SLC17A5: variants seen among roughly 807,000 people sequenced by gnomAD.
The protein encoded by SLC17A5 is solute carrier family 17 member 5.
A neutral mutation model predicts 59.4 loss-of-function variants in SLC17A5; 47 were observed. That is an observed-to-expected ratio of 0.79 (90% CI 0.63 to 1.01). The LOEUF is 1.01. SLC17A5 is among the 50% of genes least tolerant of loss of function. The pLI, the probability that SLC17A5 is intolerant of heterozygous loss-of-function variation, is 0.00. For synonymous variants in SLC17A5, 202 were observed against 210.7 expected, an observed-to-expected ratio of 0.96 and a Z score of 0.36; for missense variants, 522 against 595.5, an observed-to-expected ratio of 0.88 and a Z score of 1.28.
intron 1 of SLC17A5, chr6:73,652,933 T>A (rs1289138015): frequency 1.7e-5 from 10 of 574,654 alleles, no homozygotes; most frequent in Non-Finnish European, 2.2e-5. Flanking sequence ...TTTTCGTTAC[T>A]TTTAAATAAA....
chr6:73,632,926 C>T (rs750222676), intron 6 of SLC17A5, among the ~76,000 whole-genome samples: 3 of 151,924 alleles, frequency 2.0e-5, no homozygotes, highest in Non-Finnish European at 4.4e-5. Context: ...TTACCTGTTC[C>T]TTAAGGGGAA....
intron 4 of SLC17A5, 93 bp from the exon 5 acceptor site, chr6:73,636,800 G>C (rs1448352526): frequency 2.2e-6 from 2 of 924,690 alleles, no homozygotes; most frequent in African/African-American, 1.6e-5. Context: ...TGGGTAACAG[G>C]CTGGGCACAG....
intron 9 of SLC17A5, among the ~76,000 whole-genome samples, chr6:73,603,550 A>T (rs1244268208): frequency 1.3e-5 from 2 of 151,054 alleles, no homozygotes; most frequent in African/African-American, 4.9e-5. Flanking sequence ...CCTCCTGAGT[A>T]GCTGGGATTA....
chr6:73,608,277 G>T (rs1767487549), intron 9 of SLC17A5, among the ~76,000 whole-genome samples: 1 of 152,238 alleles, frequency 6.6e-6, no homozygotes. Context: ...CATTGGGGTT[G>T]GTTCATGTGA....
chr6:73,621,437 C>T (rs1432081555), intron 7 of SLC17A5, among the ~76,000 whole-genome samples: 1 of 152,242 alleles, frequency 6.6e-6, no homozygotes, highest in East Asian at 1.9e-4. Flanking sequence ...CTACACCCGG[C>T]CTGATGTCGG....
Position 73,636,640 on chromosome 6 carries a change from A to C in SLC17A5, c.681T>G (p.Thr227=). Residue 227 remains threonine (T), a synonymous_variant, in exon 5 of 11, where the codon ACT becomes ACG. Transcript: ENST00000355773. The part of the protein sequence containing the change: ...SGIICYYMNW[T]YVFYFFGTIG... The stretch of plus-strand genomic sequence containing the variant: ...ACTTACCAAAAAAGTAGAAGACATA[A>C]GTCCAATTCATATAGTAGCAAATTA... 1 of 1,603,066 alleles carries C rather than the reference A, an allele frequency of 6.2e-7. No individual in the cohort carries two copies. The highest frequency in any genetic ancestry group is 8.5e-7 in the Non-Finnish European group (1 of 1,169,928).
rs535093738 is a variant in SLC17A5, at chr6:73,633,866, C to T, written c.819+1516G>A. On this transcript the variant is annotated intron_variant, in intron 6 of 10. Transcript: ENST00000355773. The stretch of plus-strand genomic sequence containing the variant: ...CTACACTCCAGCCTGGGTGAGAGAG[C>T]GAAACTCCGTCTAAAAAAAAAAATA... 2.1e-3 allele frequency among the ~76,000 whole-genome samples: 314 copies of T among 149,580 alleles called. 2 individuals are homozygous for T. The highest frequency in any genetic ancestry group is 7.7e-3 in the African/African-American group (310 of 40,516).
Position 73,594,965 on chromosome 6 carries a change from T to C in SLC17A5, c.*112A>G. Reference sequence around the variant, plus strand: ...ATGATTATAGGCCTTAAAAATCTAATACAAGTACAATTAAAAAAAGACATA... The same window carrying C: ...ATGATTATAGGCCTTAAAAATCTAACACAAGTACAATTAAAAAAAGACATA... On this transcript the variant is annotated 3_prime_UTR_variant, in exon 11 of 11. Coordinates refer to ENST00000355773, the MANE Select transcript of SLC17A5 (RefSeq NM_012434.5). 1 of 1,171,140 alleles carries C rather than the reference T, an allele frequency of 8.5e-7. No individual in the cohort carries two copies. The highest frequency in any genetic ancestry group is 1.3e-6 in the Non-Finnish European group (1 of 787,886). The allele number at this position is 1,171,140 out of a possible 1,614,324, so 72.5% of individuals were successfully genotyped here. A position where few individuals can be genotyped will look rare whatever the true frequency, so the allele number is the denominator to read the frequency against.
chr6:73,593,647 C>T lies in SLC17A5; in HGVS notation c.*1430G>A, dbSNP rs1413436902. 1 of 152,098 alleles carries T rather than the reference C, an allele frequency of 6.6e-6. No homozygotes were observed. The highest frequency in any genetic ancestry group is 2.1e-4 in the South Asian group (1 of 4,826). 9.4% of individuals were successfully genotyped at this position (152,098 alleles called of 1,614,324 possible). A position where few individuals can be genotyped will look rare whatever the true frequency, so the allele number is the denominator to read the frequency against. ...AGGAACCAGAAGTAAAGATGATTACCCTAGTCTCAGGTGATGTGGCCTTTA... is the reference window on the plus strand; with the variant it reads ...AGGAACCAGAAGTAAAGATGATTACTCTAGTCTCAGGTGATGTGGCCTTTA... On this transcript the variant is annotated 3_prime_UTR_variant, in exon 11 of 11. Coordinates refer to ENST00000355773, the MANE Select transcript of SLC17A5 (RefSeq NM_012434.5).
intron 6 of SLC17A5, among the ~76,000 whole-genome samples, chr6:73,625,677 T>C (rs1463924986): frequency 1.3e-5 from 2 of 152,116 alleles, no homozygotes; most frequent in East Asian, 3.8e-4. Context: ...ACTCTGAGTG[T>C]AGGGCCAAGG....
At chr6:73,602,579 G>C (rs367960950) in intron 9 of SLC17A5, among the ~76,000 whole-genome samples, 1 of 151,992 alleles carries the variant, frequency 6.6e-6, no homozygotes, top group Admixed American at 6.6e-5. Context: ...TCGAGACCAT[G>C]CTGGCTAACA....
chr6:73,636,813 G>T, intron 4 of SLC17A5, 106 bp from the exon 5 acceptor site: 1 of 829,846 alleles, frequency 1.2e-6, no homozygotes, highest in South Asian at 1.4e-5. Flanking sequence ...GGGCACAGTG[G>T]CTCATTCCTG....
chr6:73,634,255 G>T (rs1009564793), intron 6 of SLC17A5, among the ~76,000 whole-genome samples: 1 of 152,158 alleles, frequency 6.6e-6, no homozygotes, highest in African/African-American at 2.4e-5. Context: ...CATAATAAAT[G>T]TGCTGTTCTC....
chr6:73,599,794 T>A (rs1176439197), intron 10 of SLC17A5, among the ~76,000 whole-genome samples: 1 of 136,040 alleles, frequency 7.4e-6, no homozygotes, highest in East Asian at 2.0e-4. Flanking sequence ...TGTAAGTATG[T>A]CCTGAAATTC....
intron 9 of SLC17A5, among the ~76,000 whole-genome samples, chr6:73,604,941 T>C (rs1272384327): frequency 1.3e-5 from 2 of 152,216 alleles, no homozygotes; most frequent in South Asian, 2.1e-4. Context: ...TATATCATAT[T>C]ATATCATTTT....
chr6:73,616,462 T>G (rs1172498132), intron 7 of SLC17A5, among the ~76,000 whole-genome samples: 2 of 152,084 alleles, frequency 1.3e-5, no homozygotes, highest in Middle Eastern at 3.2e-3. Flanking sequence ...TCCATTCATT[T>G]TTTTCTTACA....
chr6:73,632,908 A>AT (rs1768818340), intron 6 of SLC17A5, among the ~76,000 whole-genome samples: 1 of 149,466 alleles, frequency 6.7e-6, no homozygotes, highest in African/African-American at 2.6e-5. Context: ...TAATGTGTTA[A>AT]ATTTTTTTTA....
At chr6:73,648,156 C>G (rs576174979) in intron 1 of SLC17A5, among the ~76,000 whole-genome samples, 1 of 152,292 alleles carries the variant, frequency 6.6e-6, no homozygotes, top group East Asian at 1.9e-4. Context: ...TAAACAATTA[C>G]TAGCTAATAA....
At chr6:73,595,298 T>TA in intron 10 of SLC17A5, 84 bp from the exon 11 acceptor site, 1 of 1,436,194 alleles carries the variant, frequency 7.0e-7, no homozygotes, top group South Asian at 1.2e-5. Context: ...ACAAGAGTGT[T>TA]AAAACAGCCA....
Sources: allele counts gnomAD v4.1 joint callset (sites outside exome capture counted in the v4.1 genomes callset), GRCh38; gene constraint gnomAD v4.1.1; transcripts MANE v1.5; gene names NCBI Gene and HGNC (gene_info 2026-07-23, HGNC 2026-07-21).